Variants in MEGF8 observed in about 807,000 individuals in gnomAD.
MEGF8 encodes the protein multiple epidermal growth factor-like domains protein 8.
Under a neutral mutation model 302.9 loss-of-function variants are expected in MEGF8, and 156 were observed. The observed-to-expected ratio is 0.52, with a 90% CI of 0.45 to 0.59. The LOEUF is 0.59. Among genes scored for constraint, MEGF8 ranks in the 20% least tolerant of loss-of-function variants. The probability of loss-of-function intolerance (pLI) is 0.00; values close to 1 mark genes in which losing one functional copy is unlikely to be tolerated. For synonymous variants in MEGF8, 1,621 were observed against 1,660.5 expected (o/e 0.98, Z 0.58); for missense variants, 3,345 against 3,964.5 (o/e 0.84, Z 4.20).
At chr19:42,334,436 A>G (rs1049159209) in intron 3 of MEGF8, among the ~76,000 whole-genome samples, 2 of 141,546 alleles carry the variant, frequency 1.4e-5, no homozygotes, top group Admixed American at 7.4e-5. Flanking sequence ...AGGATATCCC[A>G]CTCTCATCTA....
chr19:42,337,283 C>G, intron 8 of MEGF8, 77 bp downstream of exon 8: 1 of 1,595,938 alleles, frequency 6.3e-7, no homozygotes, highest in Non-Finnish European at 8.5e-7. Flanking sequence ...CTCAAGCCAC[C>G]TCAGTCCGTA....
At position 42,354,199 on chromosome 19, in the gene MEGF8, A is replaced by G. The variant is rs1429016139; in HGVS notation, c.4011+175A>G. 6.6e-6 allele frequency among the ~76,000 whole-genome samples: 1 copy of G among 151,050 alleles called. No individual in the cohort carries two copies. Among genetic ancestry groups the G allele is most frequent in the Non-Finnish European group, 1.5e-5 (1 of 67,850 alleles). The stretch of plus-strand genomic sequence containing the variant: ...CAGCACTTTGTTCCTAGGCCCACAG[A>G]CAGACCCCCCCATTTCCCAGATAGC... On this transcript the variant is annotated intron_variant, in intron 22 of 41. Transcript: ENST00000251268. The surrounding 1 kb of genome is among the most constrained non-coding windows in gnomAD (Gnocchi z 4.3).
rs1052329338 is a variant in MEGF8 at position 42,368,601 on chromosome 19, C to T, written c.6420C>T (p.Ala2140=). ...GGCGCCCCCATTGCGGCTGGTGTGC[C>T]TGGGGGGGCCAGGATGGGGGTGGCC... ...CLRRPHCGWC[A]WGGQDGGGRC... is the part of the protein sequence containing the mutation. Residue 2140 remains alanine (A), a synonymous_variant, in exon 36 of 42, where the codon GCC becomes GCT. Coordinates refer to ENST00000251268, the MANE Select transcript of MEGF8 (RefSeq NM_001271938.2). This position sits in a 1 kb window ranked among gnomAD's most constrained non-coding sequence, Gnocchi z 4.9. The T allele has an allele frequency of 6.4e-7, 1 of 1,572,946 alleles. No individual in the cohort carries two copies. The highest frequency in any genetic ancestry group is 1.7e-4 in the Middle Eastern group (1 of 5,956).
Position 42,350,469 on chromosome 19 carries a change from G to T in MEGF8, c.2736+85G>T, listed in dbSNP as rs1177817727. ...CAGTCAAGGGAACCCCTGGTGGGGG[G>T]TGTGGGGGAAACAGCAAGGGCTTTT... On this transcript the variant is annotated intron_variant, in intron 15 of 41. Coordinates refer to ENST00000251268, the MANE Select transcript of MEGF8 (RefSeq NM_001271938.2). The T allele has an allele frequency of 3.9e-6, 5 of 1,272,504 alleles. No homozygotes were observed. The African/African-American group carries it at 6.0e-5, about 15-fold the overall frequency. The allele number at this position is 1,272,504 out of a possible 1,614,324, so 78.8% of individuals were successfully genotyped here. A position where few individuals can be genotyped will look rare whatever the true frequency, so the allele number is the denominator to read the frequency against.
chr19:42,357,024 G>T lies in MEGF8; in HGVS notation c.4830+43G>T. The T allele has an allele frequency of 6.6e-7, 1 of 1,515,604 alleles. No homozygotes were observed. The allele number at this position is 1,515,604 out of a possible 1,614,324, so 93.9% of individuals were successfully genotyped here. On this transcript the variant is annotated intron_variant, in intron 27 of 41. Transcript: ENST00000251268. This position sits in a 1 kb window ranked among gnomAD's most constrained non-coding sequence, Gnocchi z 5.2. Reference sequence around the variant, plus strand: ...GCCCACTCCCCAGCCCTCACACTGGGCCCTGACAGAGACAGCTGTGGTAGC... The same window carrying T: ...GCCCACTCCCCAGCCCTCACACTGGTCCCTGACAGAGACAGCTGTGGTAGC...
intron 31 of MEGF8, among the ~76,000 whole-genome samples, chr19:42,360,376 T>A (rs2039514348): frequency 6.7e-6 from 1 of 150,304 alleles, no homozygotes. Context: ...GACATGGTCT[T>A]GTTCTGTTGC....
chr19:42,334,169 C>T lies in MEGF8; in HGVS notation c.514C>T (p.Gln172Ter), dbSNP rs1317980856. Residue 172 changes from glutamine (Q) to a stop codon, truncating the protein, a stop_gained, in exon 3 of 42, where the codon CAG (glutamine) becomes TAG (stop). Transcript: ENST00000251268. LOFTEE classifies it high-confidence loss of function. Reference sequence around the variant, plus strand: ...CTGGGGGGGTCCTGACTGTGGCCTGCAGGAGTGCTCAGCCTACTGTGGCAG... The same window carrying T: ...CTGGGGGGGTCCTGACTGTGGCCTGTAGGAGTGCTCAGCCTACTGTGGCAG... ...PGWGGPDCGL[Q>*]ECSAYCGSHG... 1 of 1,610,416 alleles carries T rather than the reference C, an allele frequency of 6.2e-7. No individual in the cohort carries two copies. The highest frequency in any genetic ancestry group is 8.5e-7 in the Non-Finnish European group (1 of 1,179,202).
rs898078424 is a variant in MEGF8 at position 42,351,835 on chromosome 19, C to T, written c.3101+74C>T. 8.0e-7 allele frequency: 1 copy of T among 1,253,384 alleles called. No individual in the cohort carries two copies. Among genetic ancestry groups the T allele is most frequent in the African/African-American group, 1.5e-5 (1 of 67,290 alleles). 77.6% of individuals were successfully genotyped at this position (1,253,384 alleles called of 1,614,324 possible). ...CCATGACCGGTCATTCTAATGGCCT[C>T]TTTGCTTCTCTGCCCTCTTGCCCAT... On this transcript the variant is annotated intron_variant, in intron 18 of 41. Coordinates refer to ENST00000251268, the MANE Select transcript of MEGF8 (RefSeq NM_001271938.2). The surrounding 1 kb of genome is among the most constrained non-coding windows in gnomAD (Gnocchi z 5.6).
At chr19:42,327,671 C>G (rs948836251) in intron 1 of MEGF8, among the ~76,000 whole-genome samples, 1 of 152,232 alleles carries the variant, frequency 6.6e-6, no homozygotes, top group African/African-American at 2.4e-5. Flanking sequence ...GTGGCTTAAC[C>G]TGGGGTATAG....
chr19:42,357,534 T>C lies in MEGF8; in HGVS notation c.4961T>C (p.Leu1654Pro). 6.2e-7 allele frequency: 1 copy of C among 1,613,410 alleles called. No homozygotes were observed. The highest frequency in any genetic ancestry group is 8.5e-7 in the Non-Finnish European group (1 of 1,179,744). ...GFNQQLLEYQ[L>P]ATGTWVSGAQ... ...AACCAGCAGCTGCTGGAGTACCAGC[T>C]GGCAACCGGCACCTGGGTGTCAGGA... The change falls in exon 28 of 42, where the codon CTG (leucine) becomes CCG (proline). Residue 1654 changes from leucine (L) to proline (P), a missense_variant. Transcript: ENST00000251268. The surrounding 1 kb of genome is among the most constrained non-coding windows in gnomAD (Gnocchi z 5.2).
Position 42,375,509 on chromosome 19 carries a change from C to T in MEGF8, c.7272C>T (p.Cys2424=), listed in dbSNP as rs113822011. ...ACCGCCTCTAACCCTGCCCGCAGTG[C>T]GCCAAGTGCCGGGAATCATTTCACG... ...SDRRDCYKYQ[C]AKCRESFHGS... The change falls in exon 42 of 42, where the codon TGC becomes TGT. Residue 2424 remains cysteine (C), a splice_region_variant and synonymous_variant. Coordinates refer to ENST00000251268, the MANE Select transcript of MEGF8 (RefSeq NM_001271938.2). The surrounding 1 kb of genome is among the most constrained non-coding windows in gnomAD (Gnocchi z 7.1). The T allele has an allele frequency of 7.5e-5, 118 of 1,577,340 alleles. 2 individuals are homozygous for T. In the South Asian group the frequency reaches 1.1e-3, roughly 14 times the overall value.
rs753419162 is a variant in MEGF8 at position 42,371,371 on chromosome 19, G to A, written c.7158G>A (p.Ala2386=). The change falls in exon 41 of 42, where the codon GCG becomes GCA. Residue 2386 remains alanine (A), a synonymous_variant. Coordinates refer to ENST00000251268, the MANE Select transcript of MEGF8 (RefSeq NM_001271938.2). ...KCTKCQCNGH[A]DTCNEQDGTG... ...CCAGATGCCAGTGTAATGGCCACGC[G>A]GACACATGTAACGAGCAGGATGGGA... is the stretch of plus-strand genomic sequence containing the variant. The A allele has an allele frequency of 2.5e-5, 41 of 1,613,772 alleles. 2 individuals are homozygous for A. Among genetic ancestry groups the A allele is most frequent in the South Asian group, 1.1e-5 (1 of 91,084 alleles).
chr19:42,372,071 ACAAAC>A (rs1335654129), intron 41 of MEGF8, among the ~76,000 whole-genome samples: 6 of 147,504 alleles, frequency 4.1e-5, no homozygotes, highest in African/African-American at 1.5e-4. Context: ...AACAACAACA[ACAAAC>A]ACACACACAC....
intron 31 of MEGF8, among the ~76,000 whole-genome samples, chr19:42,360,149 T>C (rs1281810252): frequency 5.4e-5 from 7 of 129,484 alleles, no homozygotes; most frequent in African/African-American, 2.2e-4. Flanking sequence ...AGACTCTTTC[T>C]CAAAAAAAAA....
In MEGF8 at chr19:42,325,747, A is replaced by G. The variant is rs762909843; in HGVS notation, c.-497A>G. ...CCTGAAGACGGGCTCCGCCCCCGGCACCCGCTCGCGCCCCGCCCCCGGCTG... is the reference window on the plus strand; with the variant it reads ...CCTGAAGACGGGCTCCGCCCCCGGCGCCCGCTCGCGCCCCGCCCCCGGCTG... On this transcript the variant is annotated 5_prime_UTR_variant, in exon 1 of 42. Coordinates refer to ENST00000251268, the MANE Select transcript of MEGF8 (RefSeq NM_001271938.2). The G allele has an allele frequency of 9.1e-4, 141 of 154,152 alleles. 1 individual carries two copies. The highest frequency in any genetic ancestry group is 1.7e-3 in the Non-Finnish European group (116 of 69,558). The allele number at this position is 154,152 out of a possible 1,614,324, so 9.5% of individuals were successfully genotyped here. A position where few individuals can be genotyped will look rare whatever the true frequency, so the allele number is the denominator to read the frequency against.
rs2039582003 is a variant in MEGF8, at chr19:42,364,862, G to A, written c.6273+1600G>A. On this transcript the variant is annotated intron_variant, in intron 35 of 41. Coordinates refer to ENST00000251268, the MANE Select transcript of MEGF8 (RefSeq NM_001271938.2). ...GAGGTTGTACCAGTTAAATGGGGGA[G>A]AATTTACTTAGAGCATAGAGCAATG... Among the ~76,000 whole-genome samples, 3 of 152,198 alleles carry A rather than the reference G, an allele frequency of 2.0e-5. No individual in the cohort carries two copies. In the South Asian group the frequency reaches 6.2e-4, roughly 31 times the overall value.
At position 42,334,206 on chromosome 19, in the gene MEGF8, G is replaced by C; in HGVS notation, c.551G>C (p.Cys184Ser). The C allele has an allele frequency of 6.3e-7, 1 of 1,596,270 alleles. No homozygotes were observed. Among genetic ancestry groups the C allele is most frequent in the Non-Finnish European group, 8.5e-7 (1 of 1,170,394 alleles). ...GCCTACTGTGGCAGCCACGGCACCT[G>C]CGCCTCGGTGAGCCGGTCCCCAGCC... ...CSAYCGSHGTCASPLGPCRCE... is the reference protein window; with the variant it reads ...CSAYCGSHGTSASPLGPCRCE... Residue 184 changes from cysteine to serine, a missense_variant, in exon 3 of 42, where the codon TGC (cysteine) becomes TCC (serine). Transcript: ENST00000251268.
Position 42,350,189 on chromosome 19 carries a change from C to T in MEGF8, c.2541C>T (p.Ser847=). ...FFFLEPYRSS[S]CTSYSSCLGC... ...TCCTGGAGCCCTACCGCTCGTCGTCCTGCACCTCCTATTCTTCCTGCCTGG... is the reference window on the plus strand; with the variant it reads ...TCCTGGAGCCCTACCGCTCGTCGTCTTGCACCTCCTATTCTTCCTGCCTGG... Residue 847 remains serine (S), a synonymous_variant, in exon 15 of 42, where the codon TCC becomes TCT. Transcript: ENST00000251268. 2 of 1,613,786 alleles carry T rather than the reference C, an allele frequency of 1.2e-6. No homozygotes were observed. The highest frequency in any genetic ancestry group is 1.7e-6 in the Non-Finnish European group (2 of 1,179,826).
At position 42,368,787 on chromosome 19, in the gene MEGF8, G is replaced by A; in HGVS notation, c.6482-56G>A. ...AGAGGAGGCAGGAGGGAGGGCCTAG[G>A]CAACTGGGGCAGGTGGTACAGAGGT... On this transcript the variant is annotated intron_variant, in intron 36 of 41. Transcript: ENST00000251268. The surrounding 1 kb of genome is among the most constrained non-coding windows in gnomAD (Gnocchi z 4.9). The A allele has an allele frequency of 7.6e-6, 12 of 1,584,276 alleles. No homozygotes were observed. The highest frequency in any genetic ancestry group is 1.0e-5 in the Non-Finnish European group (12 of 1,164,190).
Sources: gnomAD v4.1 joint callset for allele counts (sites outside exome capture counted in the v4.1 genomes callset) on GRCh38, gnomAD v4.1.1 for gene constraint, Gnocchi (gnomAD v3.1) non-coding constraint, MANE v1.5 for transcripts, NCBI Gene and HGNC (gene_info 2026-07-23, HGNC 2026-07-21) for gene names.